Variants in ULBP1 observed in about 807,000 individuals in gnomAD.
ULBP1 encodes the protein UL16 binding protein 1.
A neutral mutation model predicts 25.3 loss-of-function variants in ULBP1; 28 were observed. That is an observed-to-expected ratio of 1.10 (90% CI 0.82 to 1.51). The LOEUF is 1.51. ULBP1 is among the 40% of genes most tolerant of loss of function. The pLI is 0.00. For missense variants in ULBP1, 348 were observed against 290.9 expected, an observed-to-expected ratio of 1.20 and a Z score of -1.43; for synonymous variants, 129 against 103.0, an observed-to-expected ratio of 1.25 and a Z score of -1.53.
intron 4 of ULBP1, among the ~76,000 whole-genome samples, chr6:149,970,648 G>A (rs960441572): frequency 6.6e-6 from 1 of 152,268 alleles, no homozygotes; most frequent in African/African-American, 2.4e-5. Context: ...CATTCCCAGA[G>A]AAAGCAGCTC....
At position 149,969,262 on chromosome 6, in the gene ULBP1, G is replaced by A. The variant is rs79289905; in HGVS notation, c.527G>A (p.Arg176Lys). 2,355 of 1,614,234 alleles carry A rather than the reference G, an allele frequency of 1.5e-3. 29 individuals are homozygous for A. In the African/African-American group the frequency reaches 0.027, roughly 19 times the overall value. The change falls in exon 3 of 5, where the codon AGG (arginine) becomes AAG (lysine). Residue 176 changes from arginine to lysine, a missense_variant. Arg to Lys is a conservative substitution (Grantham distance 26, BLOSUM62 2). Coordinates refer to ENST00000229708, the MANE Select transcript of ULBP1 (RefSeq NM_025218.4). ...KKMTEKWEKN[R>K]DVTMFFQKIS... ...ATGACAGAGAAGTGGGAGAAGAACA[G>A]GGATGTGACCATGTTCTTCCAGAAG... is the stretch of plus-strand genomic sequence containing the variant.
At chr6:149,966,674 C>T (rs1414506275) in intron 1 of ULBP1, among the ~76,000 whole-genome samples, 5 of 152,070 alleles carry the variant, frequency 3.3e-5, no homozygotes, top group Non-Finnish European at 7.4e-5. Context: ...GCCTATATTC[C>T]TAATGACCTA....
At position 149,966,458 on chromosome 6, in the gene ULBP1, G is replaced by A. The variant is rs141838450; in HGVS notation, c.86-2149G>A. Among the ~76,000 whole-genome samples the A allele has an allele frequency of 1.1e-4, 17 of 152,214 alleles. No individual in the cohort carries two copies. In the East Asian group the frequency reaches 2.7e-3, roughly 24 times the overall value. On this transcript the variant is annotated intron_variant, in intron 1 of 4. Coordinates refer to ENST00000229708, the MANE Select transcript of ULBP1 (RefSeq NM_025218.4). The stretch of plus-strand genomic sequence containing the variant: ...GGTCCTATGGTTCTGGGCCTACTGC[G>A]CCCCTCCTTTGCTGCTGGGTGGCAT...
rs1021529798 is a variant in ULBP1, at chr6:149,968,532, C to A, written c.86-75C>A. On this transcript the variant is annotated intron_variant, in intron 1 of 4. Transcript: ENST00000229708. ...CCCCTCAGAGGCCTTCACTTGCAGT[C>A]ACCATAAGTGGGAGGAGGGGATACA... is the stretch of plus-strand genomic sequence containing the variant. 13 of 1,530,928 alleles carry A rather than the reference C, an allele frequency of 8.5e-6. 1 individual carries two copies. In the South Asian group the frequency reaches 1.7e-4, roughly 20 times the overall value. The allele number at this position is 1,530,928 out of a possible 1,614,324, so 94.8% of individuals were successfully genotyped here.
intron 1 of ULBP1, among the ~76,000 whole-genome samples, chr6:149,964,634 G>C (rs934232834): frequency 6.9e-6 from 1 of 143,976 alleles, no homozygotes; most frequent in Non-Finnish European, 1.5e-5. Context: ...CGAACATCGC[G>C]ATCTCGCCGA....
At chr6:149,965,484 T>A (rs947947053) in intron 1 of ULBP1, among the ~76,000 whole-genome samples, 17 of 152,252 alleles carry the variant, frequency 1.1e-4, no homozygotes, top group African/African-American at 3.9e-4. Context: ...GAGGGCAAGG[T>A]AGGGCGGGGA....
chr6:149,964,673 C>T (rs1281027932), intron 1 of ULBP1, among the ~76,000 whole-genome samples: 2 of 147,618 alleles, frequency 1.4e-5, no homozygotes, highest in Non-Finnish European at 3.0e-5. Flanking sequence ...ACTCAGTTCC[C>T]CTCCGCGGCT....
rs530612342 is a variant in ULBP1 at position 149,964,062 on chromosome 6, G to T, written c.13G>T (p.Ala5Ser). Residue 5 changes from alanine to serine, a missense_variant, in exon 1 of 5, where the codon GCC becomes TCC. Ala to Ser is a moderately conservative substitution (Grantham distance 99). Transcript: ENST00000229708. MAAA[A>S]SPAFLLCLPL... ...CTCCAGGTCTACAATGGCAGCGGCC[G>T]CCAGCCCCGCGTTCCTTCTGTGCCT... 3.0e-5 allele frequency: 48 copies of T among 1,614,168 alleles called. No individual in the cohort carries two copies. The Middle Eastern group carries it at 9.9e-4, about 33-fold the overall frequency.
chr6:149,971,265 T>G (rs901011080), intron 4 of ULBP1, 104 bp from the exon 5 acceptor site: 1 of 812,296 alleles, frequency 1.2e-6, no homozygotes, highest in African/African-American at 1.9e-5. Flanking sequence ...GTTTCTTATT[T>G]GTGGGAGAGG....
intron 4 of ULBP1, 30 bp downstream of exon 4, chr6:149,970,177 A>C (rs1779289430): frequency 1.3e-6 from 2 of 1,553,862 alleles, no homozygotes; most frequent in South Asian, 1.2e-5. Context: ...GAGGGGAGCA[A>C]GAGGCAGATG....
Position 149,964,135 on chromosome 6 carries a change from G to C in ULBP1, c.85+1G>C, listed in dbSNP as rs749803791. On this transcript the variant is annotated splice_donor_variant, in intron 1 of 4. Transcript: ENST00000229708. LOFTEE classifies it high-confidence loss of function. ...GGCTGGTCCCGGGCAGGATGGGTCGGTGAGTTCGGGGATGTAGCCTAAGCA... is the reference window on the plus strand; with the variant it reads ...GGCTGGTCCCGGGCAGGATGGGTCGCTGAGTTCGGGGATGTAGCCTAAGCA... The C allele has an allele frequency of 1.2e-6, 2 of 1,614,188 alleles. No homozygotes were observed.
At chr6:149,969,938 G>A (rs1779283724) in intron 3 of ULBP1, 78 bp from the exon 4 acceptor site, 2 of 1,520,976 alleles carry the variant, frequency 1.3e-6, no homozygotes, top group Admixed American at 4.0e-5. Flanking sequence ...GGATGACCTG[G>A]GGTGGCAGGA....
Position 149,970,041 on chromosome 6 carries a change from A to T in ULBP1, c.651A>T (p.Thr217=). 1 of 1,613,380 alleles carries T rather than the reference A, an allele frequency of 6.2e-7. No homozygotes were observed. The highest frequency in any genetic ancestry group is 1.3e-5 in the African/African-American group (1 of 75,054). ...AACCACCCTCTCTGGCCCCAGGCAC[A>T]ACCCAACCCAAGGCCATGGCCACCA... ...PTKPPSLAPG[T]TQPKAMATTL... is the part of the protein sequence containing the mutation. The change falls in exon 4 of 5, where the codon ACA becomes ACT. Residue 217 remains threonine (T), a synonymous_variant. Coordinates refer to ENST00000229708, the MANE Select transcript of ULBP1 (RefSeq NM_025218.4).
At position 149,970,083 on chromosome 6, in the gene ULBP1, C is replaced by T. The variant is rs200616602; in HGVS notation, c.693C>T (p.Ser231=). Residue 231 remains serine, a synonymous_variant, in exon 4 of 5, where the codon AGC becomes AGT. Coordinates refer to ENST00000229708, the MANE Select transcript of ULBP1 (RefSeq NM_025218.4). ...TGGCCACCACCCTCAGTCCCTGGAG[C>T]CTTCTCATCATCTTCCTCTGCTTCA... ...KAMATTLSPW[S]LLIIFLCFIL... 1 of 1,613,146 alleles carries T rather than the reference C, an allele frequency of 6.2e-7. No homozygotes were observed. The highest frequency in any genetic ancestry group is 2.2e-5 in the East Asian group (1 of 44,872).
rs762141529 is a variant in ULBP1, at chr6:149,970,036, G to C, written c.646G>C (p.Gly216Arg). 1.2e-6 allele frequency: 2 copies of C among 1,613,112 alleles called. No homozygotes were observed. Among genetic ancestry groups the C allele is most frequent in the South Asian group, 2.2e-5 (2 of 90,716 alleles). ...TTCAGAACCACCCTCTCTGGCCCCA[G>C]GCACAACCCAACCCAAGGCCATGGC... ...DPTKPPSLAP[G>R]TTQPKAMATT... Residue 216 changes from glycine (G) to arginine (R), a missense_variant, in exon 4 of 5, where the codon GGC becomes CGC. Coordinates refer to ENST00000229708, the MANE Select transcript of ULBP1 (RefSeq NM_025218.4).
rs1779318436 is a variant in ULBP1, at chr6:149,971,591, T to G, written c.*245T>G. The G allele has an allele frequency of 6.3e-6, 1 of 159,896 alleles. No individual in the cohort carries two copies. Among genetic ancestry groups the G allele is most frequent in the African/African-American group, 2.4e-5 (1 of 41,486 alleles). 9.9% of individuals were successfully genotyped at this position (159,896 alleles called of 1,614,324 possible). Reference sequence around the variant, plus strand: ...CCCAGCAGCCATTTTTCTTAACACCTTCTGCCACTTTCTGTCGGTGCTAAT... The same window carrying G: ...CCCAGCAGCCATTTTTCTTAACACCGTCTGCCACTTTCTGTCGGTGCTAAT... On this transcript the variant is annotated 3_prime_UTR_variant, in exon 5 of 5. Transcript: ENST00000229708.
intron 4 of ULBP1, 127 bp downstream of exon 4, chr6:149,970,274 C>T (rs1382322043): frequency 1.0e-5 from 13 of 1,279,152 alleles, no homozygotes; most frequent in Non-Finnish European, 1.4e-5. Context: ...ATGAATGAGA[C>T]CTGCTGTCAC....
At chr6:149,964,997 T>C in intron 1 of ULBP1, among the ~76,000 whole-genome samples, 1 of 143,498 alleles carries the variant, frequency 7.0e-6, no homozygotes. Flanking sequence ...TCAGTTCCCC[T>C]CCGCGGCTCC....
intron 1 of ULBP1, among the ~76,000 whole-genome samples, chr6:149,967,783 T>C (rs1390552077): frequency 6.6e-6 from 1 of 152,100 alleles, no homozygotes; most frequent in African/African-American, 2.4e-5. Context: ...CCATTACTAC[T>C]GGGAGCCCAT....
Sources: allele counts gnomAD v4.1 joint callset (sites outside exome capture counted in the v4.1 genomes callset), GRCh38; gene constraint gnomAD v4.1.1; transcripts MANE v1.5; gene names NCBI Gene and HGNC (gene_info 2026-07-23, HGNC 2026-07-21).